The following ADGRL3 variants were observed in gnomAD, a reference collection of about 807,000 sequenced individuals.
ADGRL3 encodes adhesion G protein-coupled receptor L3.
Under a neutral mutation model 153.5 loss-of-function variants are expected in ADGRL3, and 62 were observed. The ratio of observed to expected loss-of-function variants is 0.40; its 90% confidence interval spans 0.33 to 0.50. The LOEUF (loss-of-function observed/expected upper bound fraction) is 0.50, where lower values mean the gene tolerates loss of function less well. Ranked by LOEUF, ADGRL3 falls within the 20% of genes least tolerant of loss-of-function variation. ADGRL3 has a pLI of 0.47. For synonymous variants in ADGRL3, 710 were observed against 672.5 expected, an observed-to-expected ratio of 1.06 and a Z score of -0.86; for missense variants, 1,641 against 1,859.4, an observed-to-expected ratio of 0.88 and a Z score of 2.16.
At position 61,484,646 on chromosome 4, in the gene ADGRL3, C is replaced by A. The variant is rs568157636; in HGVS notation, c.-173-12475C>A. ...TCAGCGTATTAGCACCTATTAAGAA[C>A]CCTTCAAAAAAGCTGTTATTATTAT... On this transcript the variant is annotated intron_variant, in intron 2 of 26. Transcript: ENST00000683033. 1.7e-3 allele frequency among the ~76,000 whole-genome samples: 255 copies of A among 152,006 alleles called. 1 individual carries two copies. The highest frequency in any genetic ancestry group is 5.8e-3 in the African/African-American group (241 of 41,464).
At chr4:61,788,859 T>G (rs1386496516) in intron 8 of ADGRL3, among the ~76,000 whole-genome samples, 1 of 152,158 alleles carries the variant, frequency 6.6e-6, no homozygotes, top group Admixed American at 6.5e-5. Context: ...AAAATAAGAT[T>G]TCAAGATATG....
At chr4:61,844,575 A>AAAAATATATATATAT (rs1554045137) in intron 9 of ADGRL3, among the ~76,000 whole-genome samples, 2 of 18,108 alleles carry the variant, frequency 1.1e-4, no homozygotes, top group African/African-American at 2.6e-4. Flanking sequence ...AAAAAAAAAA[A>AAAAATATATATATAT]ATATATATAT....
intron 24 of ADGRL3, among the ~76,000 whole-genome samples, chr4:62,038,689 C>A (rs1264005658): frequency 1.3e-5 from 2 of 152,112 alleles, no homozygotes; most frequent in Non-Finnish European, 2.9e-5. Context: ...GAAACCCCTT[C>A]CCCCTGGGTT....
chr4:61,442,655 A>G (rs1040293785), intron 2 of ADGRL3, among the ~76,000 whole-genome samples: 3 of 152,144 alleles, frequency 2.0e-5, no homozygotes, highest in Non-Finnish European at 4.4e-5. Flanking sequence ...TTCCTTGAAC[A>G]TCTGGGTTGG....
chr4:61,597,998 A>G (rs1360973817), intron 5 of ADGRL3, among the ~76,000 whole-genome samples: 2 of 152,104 alleles, frequency 1.3e-5, no homozygotes, highest in East Asian at 3.9e-4. Flanking sequence ...TCTCTGCAGA[A>G]TTTATCATAA....
intron 6 of ADGRL3, among the ~76,000 whole-genome samples, chr4:61,701,172 A>G (rs2095751690): frequency 6.6e-6 from 1 of 152,204 alleles, no homozygotes; most frequent in Non-Finnish European, 1.5e-5. Flanking sequence ...AGGAAGACAA[A>G]TGAAGACATA....
chr4:61,658,636 TTTCTC>T (rs2094506857), intron 5 of ADGRL3, among the ~76,000 whole-genome samples: 1 of 152,146 alleles, frequency 6.6e-6, no homozygotes, highest in South Asian at 2.1e-4. Context: ...CTTTCAACCT[TTTCTC>T]TTCTCAGCCT....
In ADGRL3 at chr4:61,965,154, T is replaced by A. The variant is rs530665170; in HGVS notation, c.2806-14409T>A. 1.1e-4 allele frequency among the ~76,000 whole-genome samples: 16 copies of A among 151,990 alleles called. No individual in the cohort carries two copies. In the East Asian group the frequency reaches 3.2e-3, roughly 30 times the overall value. ...CTGGGACTATAAGCACCCACCACCA[T>A]GCCCGGCTAATTTTTGTATTTTTTT... On this transcript the variant is annotated intron_variant, in intron 17 of 26. Transcript: ENST00000683033.
chr4:62,076,188 A>C lies in ADGRL3; in HGVS notation c.*5280A>C, dbSNP rs1279749509. 2.2e-4 allele frequency: 33 copies of C among 152,122 alleles called. No individual in the cohort carries two copies. Among genetic ancestry groups the C allele is most frequent in the Admixed American group, 2.2e-3 (33 of 15,266 alleles). 9.4% of individuals were successfully genotyped at this position (152,122 alleles called of 1,614,324 possible). A position where few individuals can be genotyped will look rare whatever the true frequency, so the allele number is the denominator to read the frequency against. On this transcript the variant is annotated 3_prime_UTR_variant, in exon 27 of 27. Coordinates refer to ENST00000683033, the MANE Select transcript of ADGRL3 (RefSeq NM_001387552.1). ...TTTAAAAAAAAATTTAAAAGTCAGC[A>C]CTTCTTTCACATCTAGCACCTATAA... is the stretch of plus-strand genomic sequence containing the variant.
intron 3 of ADGRL3, among the ~76,000 whole-genome samples, chr4:61,498,603 A>G (rs1285944996): frequency 1.3e-5 from 2 of 152,142 alleles, no homozygotes; most frequent in Admixed American, 6.5e-5. Flanking sequence ...GTGTGTTTTC[A>G]CTTTTTAAAG....
At chr4:61,488,330 G>T (rs1183827114) in intron 2 of ADGRL3, among the ~76,000 whole-genome samples, 1 of 151,932 alleles carries the variant, frequency 6.6e-6, no homozygotes, top group South Asian at 2.1e-4. Flanking sequence ...TTTTACTTCA[G>T]TGATAAAAAA....
intron 4 of ADGRL3, among the ~76,000 whole-genome samples, chr4:61,529,766 T>A (rs1442677997): frequency 6.6e-6 from 1 of 152,142 alleles, no homozygotes; most frequent in Non-Finnish European, 1.5e-5. Flanking sequence ...AAGTTTAGCA[T>A]AAATGTATGC....
At chr4:61,511,212 T>C (rs2098461975) in intron 3 of ADGRL3, among the ~76,000 whole-genome samples, 1 of 152,040 alleles carries the variant, frequency 6.6e-6, no homozygotes, top group Non-Finnish European at 1.5e-5. Context: ...ACAAAAAAAT[T>C]AGCCGGACAT....
At chr4:61,983,360 A>C in intron 18 of ADGRL3, 23 bp from the exon 19 acceptor site, 1 of 1,595,446 alleles carries the variant, frequency 6.3e-7, no homozygotes, top group Non-Finnish European at 8.6e-7. Flanking sequence ...AGATTTGACT[A>C]AATCATTTGT....
At chr4:61,609,292 TA>T (rs34930044) in intron 5 of ADGRL3, among the ~76,000 whole-genome samples, 65 of 152,178 alleles carry the variant, frequency 4.3e-4, no homozygotes, top group African/African-American at 1.5e-3. Flanking sequence ...CCTCACCTCC[TA>T]AAAAAATAAA....
intron 5 of ADGRL3, among the ~76,000 whole-genome samples, chr4:61,590,438 A>C (rs913318191): frequency 2.0e-5 from 3 of 152,092 alleles, no homozygotes; most frequent in African/African-American, 7.2e-5. Context: ...CAGTTTAGCA[A>C]CTGGATAACT....
rs567304535 is a variant in ADGRL3 at position 62,006,106 on chromosome 4, C to T, written c.3395+7841C>T. ...AGTGACTGCAGTGACATGATCTCGG[C>T]TCACTGCAACATCCACCTCCTGGAT... On this transcript the variant is annotated intron_variant, in intron 21 of 26. Transcript: ENST00000683033. 1.0e-4 allele frequency among the ~76,000 whole-genome samples: 15 copies of T among 145,990 alleles called. No homozygotes were observed. In the East Asian group the frequency reaches 2.8e-3, roughly 28 times the overall value.
intron 8 of ADGRL3, among the ~76,000 whole-genome samples, chr4:61,807,551 C>T (rs1394033063): frequency 6.6e-6 from 1 of 152,080 alleles, no homozygotes; most frequent in Non-Finnish European, 1.5e-5. Flanking sequence ...TAAAGCATTT[C>T]TCACGCCAAT....
rs1012113549 is a variant in ADGRL3 at position 61,726,199 on chromosome 4, C to CT, written c.584-4413dup. On this transcript the variant is annotated intron_variant, in intron 6 of 26. Coordinates refer to ENST00000683033, the MANE Select transcript of ADGRL3 (RefSeq NM_001387552.1). Reference sequence around the variant, plus strand: ...TGCTCAAGGGAAATACTCACTGGAACTTTTTTTTTTGTTTTTTGAGAAGGA... The same window carrying CT: ...TGCTCAAGGGAAATACTCACTGGAACTTTTTTTTTTTGTTTTTTGAGAAGGA... 7.0e-4 allele frequency among the ~76,000 whole-genome samples: 58 copies of CT among 82,976 alleles called. 2 individuals are homozygous for CT. Among genetic ancestry groups the CT allele is most frequent in the African/African-American group, 5.4e-4 (12 of 22,214 alleles). The allele number at this position is 82,976 out of a possible 152,430, so 54.4% of individuals were successfully genotyped here.
Sources: gnomAD v4.1 joint callset for allele counts (sites outside exome capture counted in the v4.1 genomes callset) on GRCh38, gnomAD v4.1.1 for gene constraint, MANE v1.5 for transcripts, NCBI Gene and HGNC (gene_info 2026-07-23, HGNC 2026-07-21) for gene names.